Variants in NRG1 observed in about 807,000 individuals in gnomAD.
NRG1 encodes the protein neuregulin 1, also known as pro-neuregulin-1, membrane-bound isoform.
Under a neutral mutation model 63.8 loss-of-function variants are expected in NRG1, and 18 were observed. The observed-to-expected ratio is 0.28, with a 90% CI of 0.19 to 0.42. The LOEUF (loss-of-function observed/expected upper bound fraction) is 0.42. NRG1 is among the 10% of genes least tolerant of loss of function. The pLI, the probability that NRG1 is intolerant of heterozygous loss-of-function variation, is 1.00. For synonymous variants in NRG1, 302 were observed against 301.3 expected (o/e 1.00, Z -0.02); for missense variants, 762 against 814.7 (o/e 0.94, Z 0.79).
chr8:32,053,933 T>A (rs1476483744), intron 1 of NRG1, among the ~76,000 whole-genome samples: 1 of 152,224 alleles, frequency 6.6e-6, no homozygotes, highest in Non-Finnish European at 1.5e-5. Flanking sequence ...CTAATTTTCA[T>A]TGGTTATATT....
At chr8:31,841,913 G>A (rs938572682) in intron 1 of NRG1, among the ~76,000 whole-genome samples, 32 of 152,278 alleles carry the variant, frequency 2.1e-4, no homozygotes, top group Non-Finnish European at 1.5e-4. Flanking sequence ...AGATGAGAAT[G>A]TTCTCCATGT....
chr8:32,753,089 G>A (rs1265823488), intron 7 of NRG1, among the ~76,000 whole-genome samples: 2 of 152,176 alleles, frequency 1.3e-5, no homozygotes, highest in Non-Finnish European at 2.9e-5. Context: ...ATGCTTTGAG[G>A]TTCCCTTGTT....
intron 1 of NRG1, among the ~76,000 whole-genome samples, chr8:32,253,562 G>A (rs1466585883): frequency 6.6e-6 from 1 of 152,162 alleles, no homozygotes; most frequent in African/African-American, 2.4e-5. Context: ...TGGTGGATAA[G>A]CTTTTTGATG....
intron 1 of NRG1, among the ~76,000 whole-genome samples, chr8:31,966,760 C>T (rs1246048981): frequency 6.6e-6 from 1 of 152,030 alleles, no homozygotes; most frequent in Non-Finnish European, 1.5e-5. Context: ...ACAGGTAGGC[C>T]ATTATAGCAG....
chr8:32,289,602 G>A (rs1853953273), intron 1 of NRG1, among the ~76,000 whole-genome samples: 1 of 152,152 alleles, frequency 6.6e-6, no homozygotes, highest in African/African-American at 2.4e-5. Flanking sequence ...CTTAAGGGAA[G>A]CTTGATTAAT....
intron 1 of NRG1, among the ~76,000 whole-genome samples, chr8:31,880,792 A>T (rs1247445326): frequency 6.6e-6 from 1 of 152,202 alleles, no homozygotes; most frequent in Non-Finnish European, 1.5e-5. Context: ...TATGGGTAGC[A>T]TGTCCTGATT....
At chr8:32,253,231 T>G (rs1849322741) in intron 1 of NRG1, among the ~76,000 whole-genome samples, 1 of 152,180 alleles carries the variant, frequency 6.6e-6, no homozygotes, top group Non-Finnish European at 1.5e-5. Context: ...TCCAATACAA[T>G]GTTGAATAGG....
At chr8:31,951,702 G>A (rs1803489513) in intron 1 of NRG1, among the ~76,000 whole-genome samples, 1 of 152,188 alleles carries the variant, frequency 6.6e-6, no homozygotes, top group African/African-American at 2.4e-5. Flanking sequence ...GAGTCTCAGA[G>A]TGCCACTTCC....
At chr8:32,560,292 AT>A (rs1472180274) in intron 1 of NRG1, among the ~76,000 whole-genome samples, 1 of 152,012 alleles carries the variant, frequency 6.6e-6, no homozygotes, top group African/African-American at 2.4e-5. Context: ...ATGTATTTTA[AT>A]TAAAAAAAAT....
In NRG1 at chr8:31,975,099, A is replaced by T. The variant is rs1367770046; in HGVS notation, c.37+335668A>T. Among the ~76,000 whole-genome samples, 5 of 152,166 alleles carry T rather than the reference A, an allele frequency of 3.3e-5. No homozygotes were observed. The East Asian group carries it at 9.6e-4, about 29-fold the overall frequency. ...GTGTTTCCATGCAAATAATTATAAT[A>T]GTGTAGAATTATTTGATACCTACTA... is the stretch of plus-strand genomic sequence containing the variant. On this transcript the variant is annotated intron_variant, in intron 1 of 10. Transcript: ENST00000519301.
chr8:31,707,287 A>T (rs566636196), intron 1 of NRG1, among the ~76,000 whole-genome samples: 1 of 152,200 alleles, frequency 6.6e-6, no homozygotes, highest in African/African-American at 2.4e-5. Context: ...GTAAGATATT[A>T]CCCTTATTAT....
intron 1 of NRG1, among the ~76,000 whole-genome samples, chr8:31,859,201 T>A (rs1224725889): frequency 6.6e-6 from 1 of 152,336 alleles, no homozygotes; most frequent in East Asian, 1.9e-4. Context: ...AAAGCCCTTA[T>A]TAGCTGTTAA....
chr8:31,865,521 T>C (rs1040211575), intron 1 of NRG1, among the ~76,000 whole-genome samples: 1 of 152,024 alleles, frequency 6.6e-6, no homozygotes, highest in Non-Finnish European at 1.5e-5. Flanking sequence ...AGAGACCTTG[T>C]AGGAGGTAAT....
chr8:32,170,827 TG>T (rs1363070525), intron 1 of NRG1, among the ~76,000 whole-genome samples: 1 of 152,160 alleles, frequency 6.6e-6, no homozygotes, highest in Non-Finnish European at 1.5e-5. Flanking sequence ...TTTTATAGGT[TG>T]GGGCAAAAGT....
intron 1 of NRG1, among the ~76,000 whole-genome samples, chr8:32,576,289 T>A (rs1022066697): frequency 3.3e-5 from 5 of 152,166 alleles, no homozygotes; most frequent in Admixed American, 2.6e-4. Flanking sequence ...AGGAGAAACT[T>A]TTTGGAATAT....
chr8:32,194,892 CAT>C (rs1842821601), intron 1 of NRG1, among the ~76,000 whole-genome samples: 1 of 152,024 alleles, frequency 6.6e-6, no homozygotes, highest in Non-Finnish European at 1.5e-5. Context: ...AAAATTGTAA[CAT>C]ACATTTTTAT....
chr8:32,032,422 C>T (rs1586615486), intron 1 of NRG1, among the ~76,000 whole-genome samples: 1 of 152,206 alleles, frequency 6.6e-6, no homozygotes, highest in East Asian at 1.9e-4. Flanking sequence ...TGCCACTATG[C>T]CCAGATACTT....
chr8:32,738,052 G>T (rs534767989), intron 6 of NRG1, among the ~76,000 whole-genome samples: 62 of 152,204 alleles, frequency 4.1e-4, no homozygotes, highest in Middle Eastern at 3.4e-3. Context: ...CGGACATTTT[G>T]TGAGAGCCTA....
At chr8:32,664,030 G>C (rs1018783966) in intron 5 of NRG1, among the ~76,000 whole-genome samples, 1 of 152,116 alleles carries the variant, frequency 6.6e-6, no homozygotes, top group African/African-American at 2.4e-5. Flanking sequence ...TACCACATAG[G>C]TGTTTGATTC....
Sources: gnomAD v4.1 joint callset for allele counts (sites outside exome capture counted in the v4.1 genomes callset) on GRCh38, gnomAD v4.1.1 for gene constraint, MANE v1.5 for transcripts, NCBI Gene and HGNC (gene_info 2026-07-23, HGNC 2026-07-21) for gene names.